The following CNTLN variants were observed in gnomAD, a reference collection of about 807,000 sequenced individuals.
CNTLN encodes centlein, centrosomal protein.
CNTLN carries 212 observed loss-of-function variants against 180.0 expected under a neutral mutation model. The ratio of observed to expected loss-of-function variants is 1.18; its 90% confidence interval spans 1.05 to 1.32. The LOEUF is 1.32. Among genes scored for constraint, CNTLN ranks in the 40% most tolerant of loss-of-function variants. The pLI is 0.00. For missense variants in CNTLN, 2,095 were observed against 1,610.9 expected (o/e 1.30, Z -5.14); for synonymous variants, 722 against 563.1 (o/e 1.28, Z -3.99).
chr9:17,253,399 G>A (rs545768601), intron 5 of CNTLN, among the ~76,000 whole-genome samples: 204 of 151,692 alleles, frequency 1.3e-3, no homozygotes, highest in South Asian at 2.7e-3. Context: ...ACCCATGAGT[G>A]TGATATGTTT....
chr9:17,250,865 G>A (rs1826096078), intron 5 of CNTLN, among the ~76,000 whole-genome samples: 1 of 151,896 alleles, frequency 6.6e-6, no homozygotes, highest in Admixed American at 6.6e-5. Context: ...TTCTTCATAT[G>A]GATTTGAGTT....
the CNTLN span, among the ~76,000 whole-genome samples, chr9:17,519,655 C>A: frequency 6.6e-6 from 1 of 152,176 alleles, no homozygotes; most frequent in African/African-American, 2.4e-5. Flanking sequence ...GGATCATGGA[C>A]TCCATCACCG....
chr9:17,291,944 T>TAAA (rs1829441608), intron 6 of CNTLN, among the ~76,000 whole-genome samples: 1 of 152,190 alleles, frequency 6.6e-6, no homozygotes, highest in African/African-American at 2.4e-5. Context: ...TGGTGGTTTT[T>TAAA]CCTTTCTATA....
Position 17,474,972 on chromosome 9 carries a change from A to G in CNTLN, c.3855+8081A>G, listed in dbSNP as rs558316040. ...GGAAAACCTTGACTGCCCATGAAGG[A>G]CTCCATGATTAATTTTATTGTTACT... On this transcript the variant is annotated intron_variant, in intron 23 of 25. Transcript: ENST00000380647. Among the ~76,000 whole-genome samples, 11 of 151,880 alleles carry G rather than the reference A, an allele frequency of 7.2e-5. No homozygotes were observed. The South Asian group carries it at 1.3e-3, about 17-fold the overall frequency.
intron 8 of CNTLN, among the ~76,000 whole-genome samples, chr9:17,324,326 C>A (rs912415854): frequency 3.3e-5 from 5 of 152,068 alleles, no homozygotes; most frequent in African/African-American, 4.8e-5. Flanking sequence ...CAAATTCTGG[C>A]AGAATGTGAG....
chr9:17,164,896 T>G (rs1270325602), intron 2 of CNTLN, among the ~76,000 whole-genome samples: 2 of 149,784 alleles, frequency 1.3e-5, no homozygotes, highest in Non-Finnish European at 3.0e-5. Context: ...AGTGCAGTGG[T>G]GCAATCTTGG....
chr9:17,244,218 GTTT>G (rs61193447), intron 5 of CNTLN, among the ~76,000 whole-genome samples: 1 of 71,516 alleles, frequency 1.4e-5, no homozygotes, highest in Non-Finnish European at 3.0e-5. Context: ...TTTTGTTTTT[GTTT>G]TTTTTTTTGA....
At chr9:17,220,107 G>C (rs971607003) in intron 2 of CNTLN, among the ~76,000 whole-genome samples, 2 of 152,076 alleles carry the variant, frequency 1.3e-5, no homozygotes, top group African/African-American at 4.8e-5. Flanking sequence ...TCTTGATTCA[G>C]TGCATCTGGA....
At chr9:17,275,006 A>G (rs140871862) in intron 6 of CNTLN, among the ~76,000 whole-genome samples, 147 of 152,240 alleles carry the variant, frequency 9.7e-4, no homozygotes, top group Middle Eastern at 3.4e-3. Flanking sequence ...AAAAGTATAA[A>G]CTTTATAGAT....
intron 15 of CNTLN, among the ~76,000 whole-genome samples, chr9:17,403,196 G>A (rs1827119067): frequency 2.6e-5 from 4 of 151,686 alleles, no homozygotes; most frequent in Admixed American, 2.0e-4. Flanking sequence ...CCCATTCTGT[G>A]AACAAAATGA....
chr9:17,207,365 C>A (rs766879302), intron 2 of CNTLN, among the ~76,000 whole-genome samples: 1 of 152,060 alleles, frequency 6.6e-6, no homozygotes, highest in Non-Finnish European at 1.5e-5. Context: ...GGGAGTGAAC[C>A]GTTTTGTCTC....
intron 8 of CNTLN, among the ~76,000 whole-genome samples, chr9:17,318,354 C>G (rs1453808982): frequency 6.6e-6 from 1 of 151,988 alleles, no homozygotes; most frequent in Non-Finnish European, 1.5e-5. Flanking sequence ...TAAAAGATCA[C>G]TCTGGATGCA....
chr9:17,290,066 T>C (rs949377311), intron 6 of CNTLN, among the ~76,000 whole-genome samples: 16 of 152,186 alleles, frequency 1.1e-4, no homozygotes, highest in Non-Finnish European at 2.2e-4. Context: ...CTGCGTTCCT[T>C]TGGAGGAGGA....
chr9:17,429,597 C>T (rs1829293568), intron 18 of CNTLN, among the ~76,000 whole-genome samples: 1 of 151,802 alleles, frequency 6.6e-6, no homozygotes. Context: ...TTGAGAAATA[C>T]AGAATATCCA....
chr9:17,290,610 G>T (rs11496329), intron 6 of CNTLN, among the ~76,000 whole-genome samples: 1 of 127,352 alleles, frequency 7.9e-6, no homozygotes, highest in Admixed American at 7.9e-5. Context: ...CCCCCAGCCT[G>T]GCTGCCGCCT....
the CNTLN span, among the ~76,000 whole-genome samples, chr9:17,517,441 GA>G: frequency 1.6e-4 from 24 of 151,210 alleles, no homozygotes; most frequent in Non-Finnish European, 1.9e-4. Flanking sequence ...AAAAATAAAT[GA>G]AAAAAAAGAA....
chr9:17,427,714 T>A (rs758757547), intron 18 of CNTLN, among the ~76,000 whole-genome samples: 7 of 152,210 alleles, frequency 4.6e-5, no homozygotes, highest in Non-Finnish European at 8.8e-5. Context: ...ATTTAAGGAC[T>A]GATCCTTGAA....
chr9:17,469,009 G>A (rs76041865), intron 23 of CNTLN, among the ~76,000 whole-genome samples: 1 of 151,544 alleles, frequency 6.6e-6, no homozygotes. Context: ...GCTGTCTTCG[G>A]TACTCTTTCA....
intron 2 of CNTLN, among the ~76,000 whole-genome samples, chr9:17,187,295 T>C (rs369482108): frequency 6.6e-5 from 10 of 152,104 alleles, no homozygotes; most frequent in African/African-American, 2.2e-4. Context: ...TTGTAAGTTA[T>C]TACATACTCT....
Sources: allele counts gnomAD v4.1 joint callset (sites outside exome capture counted in the v4.1 genomes callset), GRCh38; gene constraint gnomAD v4.1.1; transcripts MANE v1.5; gene names NCBI Gene and HGNC (gene_info 2026-07-23, HGNC 2026-07-21).